HCN1: variants seen among roughly 807,000 people sequenced by gnomAD.
HCN1 encodes potassium/sodium hyperpolarization-activated cyclic nucleotide-gated channel 1.
HCN1 carries 13 observed loss-of-function variants against 78.9 expected under a neutral mutation model. The observed-to-expected ratio is 0.16, with a 90% CI of 0.11 to 0.26. The LOEUF (loss-of-function observed/expected upper bound fraction) is 0.26. HCN1 is among the 10% of genes least tolerant of loss of function. The pLI, the probability that HCN1 is intolerant of heterozygous loss-of-function variation, is 1.00. For synonymous variants in HCN1, 552 were observed against 455.5 expected (o/e 1.21, Z -2.70); for missense variants, 810 against 1,154.3 (o/e 0.70, Z 4.32).
intron 5 of HCN1, among the ~76,000 whole-genome samples, chr5:45,344,464 T>C (rs1746654579): frequency 6.6e-6 from 1 of 152,162 alleles, no homozygotes; most frequent in Admixed American, 6.5e-5. Flanking sequence ...GTGCAAAGTC[T>C]CATCTGAATC....
Position 45,412,587 on chromosome 5 carries a change from A to G in HCN1, c.1012-15877T>C, listed in dbSNP as rs541402271. ...TTCTGAGAGGCTTGAAATTACCTCT[A>G]TTAAGCTTCTCTCTATTTACATAAG... On this transcript the variant is annotated intron_variant, in intron 3 of 7. Coordinates refer to ENST00000303230, the MANE Select transcript of HCN1 (RefSeq NM_021072.4). 3.9e-5 allele frequency among the ~76,000 whole-genome samples: 6 copies of G among 152,234 alleles called. No individual in the cohort carries two copies. The South Asian group carries it at 1.2e-3, about 32-fold the overall frequency.
At chr5:45,276,035 A>G (rs1364914597) in intron 6 of HCN1, among the ~76,000 whole-genome samples, 1 of 152,126 alleles carries the variant, frequency 6.6e-6, no homozygotes, top group African/African-American at 2.4e-5. Flanking sequence ...TTGAAGTAAT[A>G]TCCTGACAGC....
At chr5:45,549,267 CAA>C (rs1743305162) in intron 2 of HCN1, among the ~76,000 whole-genome samples, 1 of 152,068 alleles carries the variant, frequency 6.6e-6, no homozygotes, top group South Asian at 2.1e-4. Context: ...CTACAGTAAC[CAA>C]AACAGCATGG....
At chr5:45,533,552 A>G (rs987947402) in intron 2 of HCN1, among the ~76,000 whole-genome samples, 1 of 152,222 alleles carries the variant, frequency 6.6e-6, no homozygotes, top group Non-Finnish European at 1.5e-5. Context: ...TTTCCAAGGT[A>G]GGTGATACCC....
chr5:45,282,069 T>A (rs191295082), intron 6 of HCN1, among the ~76,000 whole-genome samples: 1 of 152,336 alleles, frequency 6.6e-6, no homozygotes, highest in East Asian at 1.9e-4. Flanking sequence ...TGCCCAATAC[T>A]GTCACATAGG....
intron 4 of HCN1, among the ~76,000 whole-genome samples, chr5:45,379,252 T>C (rs1390000799): frequency 6.6e-6 from 1 of 152,244 alleles, no homozygotes; most frequent in African/African-American, 2.4e-5. Flanking sequence ...TGTAAAAGTG[T>C]TCCTATTTCT....
At chr5:45,394,421 C>A (rs1739644645) in intron 4 of HCN1, among the ~76,000 whole-genome samples, 1 of 152,100 alleles carries the variant, frequency 6.6e-6, no homozygotes, top group African/African-American at 2.4e-5. Context: ...TTAGCCAAAA[C>A]TCAAAGAGGG....
At chr5:45,337,584 A>C (rs1447015038) in intron 5 of HCN1, among the ~76,000 whole-genome samples, 1 of 152,168 alleles carries the variant, frequency 6.6e-6, no homozygotes, top group Non-Finnish European at 1.5e-5. Context: ...AGTAATTACA[A>C]AATATGTACT....
intron 1 of HCN1, among the ~76,000 whole-genome samples, chr5:45,654,818 G>A (rs1227535894): frequency 6.6e-6 from 1 of 152,070 alleles, no homozygotes; most frequent in African/African-American, 2.4e-5. Flanking sequence ...TAATTACATG[G>A]CTAAGTTAAA....
intron 4 of HCN1, among the ~76,000 whole-genome samples, chr5:45,371,456 C>A (rs1579846228): frequency 6.6e-6 from 1 of 151,844 alleles, no homozygotes; most frequent in East Asian, 1.9e-4. Context: ...TACCACTGAA[C>A]CCACTGAAAT....
intron 5 of HCN1, among the ~76,000 whole-genome samples, chr5:45,346,996 T>A (rs372919048): frequency 1.3e-5 from 2 of 152,204 alleles, no homozygotes; most frequent in Admixed American, 6.5e-5. Flanking sequence ...CCTGTCTGAC[T>A]GCTTTGAAGA....
intron 2 of HCN1, among the ~76,000 whole-genome samples, chr5:45,537,626 C>T (rs1742996501): frequency 7.1e-6 from 1 of 140,688 alleles, no homozygotes; most frequent in Non-Finnish European, 1.5e-5. Context: ...GCAAACTCTG[C>T]CCCCGGGTTC....
chr5:45,516,024 C>T (rs1403328816), intron 2 of HCN1, among the ~76,000 whole-genome samples: 1 of 151,868 alleles, frequency 6.6e-6, no homozygotes, highest in Non-Finnish European at 1.5e-5. Flanking sequence ...ATTGAGAAAC[C>T]TCAAACAGCT....
At chr5:45,452,265 G>T (rs1211687630) in intron 3 of HCN1, among the ~76,000 whole-genome samples, 3 of 151,608 alleles carry the variant, frequency 2.0e-5, no homozygotes, top group Non-Finnish European at 1.5e-5. Context: ...CTCTTATTTG[G>T]ATTGGAGCTG....
chr5:45,430,545 T>C (rs779527753), intron 3 of HCN1, among the ~76,000 whole-genome samples: 1 of 152,196 alleles, frequency 6.6e-6, no homozygotes, highest in Non-Finnish European at 1.5e-5. Context: ...TATGTGGTAT[T>C]ATTCTTTCTC....
At position 45,645,323 on chromosome 5, in the gene HCN1, A is replaced by G. The variant is rs1381111783; in HGVS notation, c.711T>C (p.Leu237=). Residue 237 remains leucine (L), a synonymous_variant, in exon 2 of 8, where the codon CTT becomes CTC. Coordinates refer to ENST00000303230, the MANE Select transcript of HCN1 (RefSeq NM_021072.4). ...ISSIPVDYIF[L]IVEKGMDSEV... ...CAGAATCCATTCCTTTTTCTACAATAAGAAAGATATAATCCACTGGGATGG... is the reference window on the plus strand; with the variant it reads ...CAGAATCCATTCCTTTTTCTACAATGAGAAAGATATAATCCACTGGGATGG... The G allele has an allele frequency of 3.7e-6, 6 of 1,613,510 alleles. No individual in the cohort carries two copies. The highest frequency in any genetic ancestry group is 3.3e-5 in the Admixed American group (2 of 59,844).
At chr5:45,614,587 A>G (rs190337107) in intron 2 of HCN1, among the ~76,000 whole-genome samples, 1 of 152,052 alleles carries the variant, frequency 6.6e-6, no homozygotes, top group Admixed American at 6.6e-5. Context: ...TTTCAAATAT[A>G]TTCATCTCTC....
chr5:45,571,972 T>C lies in HCN1; in HGVS notation c.849+73213A>G, dbSNP rs553653144. 5.9e-5 allele frequency among the ~76,000 whole-genome samples: 9 copies of C among 152,268 alleles called. No individual in the cohort carries two copies. In the South Asian group the frequency reaches 1.9e-3, roughly 32 times the overall value. On this transcript the variant is annotated intron_variant, in intron 2 of 7. Transcript: ENST00000303230. The stretch of plus-strand genomic sequence containing the variant: ...CTATGAGTTATGACCATTGATATTT[T>C]GTTTATAAATGCATTTGAAAGCATC...
chr5:45,274,624 T>TA (rs1423864992), intron 6 of HCN1, among the ~76,000 whole-genome samples: 1 of 152,190 alleles, frequency 6.6e-6, no homozygotes, highest in African/African-American at 2.4e-5. Flanking sequence ...ATTTTGATGG[T>TA]ACCTGCTAGA....
Sources: gnomAD v4.1 joint callset for allele counts (sites outside exome capture counted in the v4.1 genomes callset) on GRCh38, gnomAD v4.1.1 for gene constraint, MANE v1.5 for transcripts, NCBI Gene and HGNC (gene_info 2026-07-23, HGNC 2026-07-21) for gene names.